TSHZ2: variants seen among roughly 807,000 people sequenced by gnomAD.
TSHZ2 encodes teashirt zinc finger homeobox 2.
A neutral mutation model predicts 74.4 loss-of-function variants in TSHZ2; 21 were observed. That is an observed-to-expected ratio of 0.28 (90% confidence interval 0.20 to 0.41). The LOEUF is 0.41. TSHZ2 is among the 10% of genes least tolerant of loss of function. The pLI is 1.00. For missense variants in TSHZ2, 1,244 were observed against 1,293.5 expected (o/e 0.96, Z 0.59); for synonymous variants, 540 against 515.3 (o/e 1.05, Z -0.65).
intron 1 of TSHZ2, among the ~76,000 whole-genome samples, chr20:53,105,397 G>A (rs1190365414): frequency 2.6e-5 from 4 of 152,158 alleles, no homozygotes; most frequent in Non-Finnish European, 4.4e-5. Context: ...GATGCTGGTA[G>A]CAGCCCCTTT....
At chr20:53,264,534 A>G (rs1173102122) in intron 2 of TSHZ2, among the ~76,000 whole-genome samples, 1 of 152,230 alleles carries the variant, frequency 6.6e-6, no homozygotes, top group African/African-American at 2.4e-5. Flanking sequence ...AAAGAGTGGA[A>G]TCTTCTTGCA....
At chr20:53,228,170 G>A (rs1330534573) in intron 1 of TSHZ2, among the ~76,000 whole-genome samples, 2 of 151,546 alleles carry the variant, frequency 1.3e-5, no homozygotes, top group Non-Finnish European at 2.9e-5. Context: ...GGAGAAGGAT[G>A]TGAAACAGAA....
intron 1 of TSHZ2, among the ~76,000 whole-genome samples, chr20:53,207,858 C>CTTTTTT (rs58457116): frequency 4.1e-5 from 4 of 96,694 alleles, no homozygotes; most frequent in South Asian, 3.7e-4. Context: ...CATTGTTTTA[C>CTTTTTT]TTTTTTTTTT....
intron 1 of TSHZ2, among the ~76,000 whole-genome samples, chr20:52,984,569 G>C (rs1034031156): frequency 1.3e-5 from 2 of 152,154 alleles, no homozygotes; most frequent in Non-Finnish European, 2.9e-5. Context: ...CGGAGCAGAC[G>C]GGGAGGGTGA....
chr20:53,203,791 C>A (rs1989070089), intron 1 of TSHZ2, among the ~76,000 whole-genome samples: 1 of 152,000 alleles, frequency 6.6e-6, no homozygotes, highest in African/African-American at 2.4e-5. Context: ...TGTCCCAAAC[C>A]AAACCCACCT....
At chr20:53,089,580 A>G (rs1268353655) in intron 1 of TSHZ2, among the ~76,000 whole-genome samples, 1 of 152,214 alleles carries the variant, frequency 6.6e-6, no homozygotes, top group Non-Finnish European at 1.5e-5. Context: ...GAGAAAAATC[A>G]CAGCCCCTTT....
chr20:53,276,643 A>G (rs2145427524), intron 2 of TSHZ2, among the ~76,000 whole-genome samples: 1 of 152,332 alleles, frequency 6.6e-6, no homozygotes, highest in African/African-American at 2.4e-5. Flanking sequence ...GTGGTTCTCA[A>G]ACTTGACTGT....
chr20:53,347,114 G>A (rs1464569409), intron 2 of TSHZ2, among the ~76,000 whole-genome samples: 2 of 152,194 alleles, frequency 1.3e-5, no homozygotes, highest in African/African-American at 4.8e-5. Flanking sequence ...TTCAACAGCT[G>A]TGAAGGCTTG....
intron 2 of TSHZ2, among the ~76,000 whole-genome samples, chr20:53,314,183 G>T (rs1295514650): frequency 2.0e-5 from 3 of 151,712 alleles, no homozygotes; most frequent in African/African-American, 7.3e-5. Context: ...AACTACTTGG[G>T]AGGCTGAAAC....
intron 2 of TSHZ2, among the ~76,000 whole-genome samples, chr20:53,435,402 G>T (rs1984011924): frequency 6.6e-6 from 1 of 152,082 alleles, no homozygotes; most frequent in Non-Finnish European, 1.5e-5. Context: ...CCCCGCCCCG[G>T]GTAATGAGCA....
intron 1 of TSHZ2, among the ~76,000 whole-genome samples, chr20:53,051,119 A>G (rs1000475157): frequency 2.0e-5 from 3 of 152,134 alleles, no homozygotes; most frequent in Non-Finnish European, 4.4e-5. Context: ...TGAGCAGATT[A>G]CCTGAGGTCA....
At chr20:53,316,921 T>A (rs1174293090) in intron 2 of TSHZ2, among the ~76,000 whole-genome samples, 1 of 152,178 alleles carries the variant, frequency 6.6e-6, no homozygotes, top group Non-Finnish European at 1.5e-5. Flanking sequence ...TATTTTTTTT[T>A]AATAACACCC....
chr20:53,197,073 A>G (rs1314392566), intron 1 of TSHZ2, among the ~76,000 whole-genome samples: 2 of 152,140 alleles, frequency 1.3e-5, no homozygotes, highest in African/African-American at 4.8e-5. Flanking sequence ...CCTCGTTTTC[A>G]TTTTGTCAAA....
chr20:53,347,347 C>T (rs1043621652), intron 2 of TSHZ2, among the ~76,000 whole-genome samples: 1 of 152,104 alleles, frequency 6.6e-6, no homozygotes, highest in African/African-American at 2.4e-5. Context: ...GCAAAATCAC[C>T]ACTGGCTGAT....
intron 2 of TSHZ2, among the ~76,000 whole-genome samples, chr20:53,262,990 A>C (rs1881227383): frequency 6.6e-6 from 1 of 152,172 alleles, no homozygotes; most frequent in Admixed American, 6.5e-5. Flanking sequence ...AAAAGCCAGG[A>C]GTATATGGAA....
chr20:53,068,220 T>A (rs901858109), intron 1 of TSHZ2, among the ~76,000 whole-genome samples: 1 of 152,170 alleles, frequency 6.6e-6, no homozygotes, highest in Non-Finnish European at 1.5e-5. Flanking sequence ...ACTTTTCTTT[T>A]CAGGGGACAC....
intron 2 of TSHZ2, among the ~76,000 whole-genome samples, chr20:53,436,007 C>A (rs568729086): frequency 6.6e-6 from 1 of 152,178 alleles, no homozygotes; most frequent in African/African-American, 2.4e-5. Flanking sequence ...GTGCCTTGCA[C>A]GTAACAAGTG....
intron 1 of TSHZ2, among the ~76,000 whole-genome samples, chr20:52,986,881 T>TA (rs1226668435): frequency 6.6e-6 from 1 of 152,054 alleles, no homozygotes; most frequent in African/African-American, 2.4e-5. Flanking sequence ...AAAGAAATAT[T>TA]AAAAAATCAA....
intron 2 of TSHZ2, among the ~76,000 whole-genome samples, chr20:53,275,295 C>A (rs1451288388): frequency 2.0e-5 from 3 of 152,078 alleles, no homozygotes; most frequent in African/African-American, 7.2e-5. Flanking sequence ...AATGCAGAGT[C>A]TCCTCTGTCC....
Sources: allele counts gnomAD v4.1 joint callset (sites outside exome capture counted in the v4.1 genomes callset), GRCh38; gene constraint gnomAD v4.1.1; transcripts MANE v1.5; gene names NCBI Gene and HGNC (gene_info 2026-07-23, HGNC 2026-07-21).